Variants in ADD2 observed in about 807,000 individuals in gnomAD.
The protein encoded by ADD2 is adducin 2.
In ADD2, 23 loss-of-function variants were observed where a neutral mutation model predicts 83.0. The observed-to-expected ratio is 0.28, with a 90% confidence interval of 0.20 to 0.39. The LOEUF (loss-of-function observed/expected upper bound fraction) is 0.39, where lower values mean the gene tolerates loss of function less well. Ranked by LOEUF, ADD2 falls within the 10% of genes least tolerant of loss-of-function variation. ADD2 has a pLI of 1.00. For synonymous variants in ADD2, 375 were observed against 375.4 expected (o/e 1.00, Z 0.01); for missense variants, 758 against 944.9 (o/e 0.80, Z 2.59).
intron 6 of ADD2, among the ~76,000 whole-genome samples, chr2:70,692,776 G>A (rs1246694586): frequency 6.6e-6 from 1 of 152,176 alleles, no homozygotes; most frequent in Non-Finnish European, 1.5e-5. Flanking sequence ...GGAGAAATGC[G>A]AGAGCAGAGT....
intron 1 of ADD2, among the ~76,000 whole-genome samples, chr2:70,757,101 TACAGGGA>T (rs1411319348): frequency 1.3e-5 from 2 of 152,204 alleles, no homozygotes; most frequent in African/African-American, 4.8e-5. Context: ...GTGCTGGGAT[TACAGGGA>T]TAAGCCACCG....
chr2:70,665,177 A>C (rs1323277295), intron 15 of ADD2, among the ~76,000 whole-genome samples: 5 of 152,138 alleles, frequency 3.3e-5, no homozygotes, highest in African/African-American at 9.7e-5. Flanking sequence ...CTGGGGTCTT[A>C]ACAGGGGTGA....
At chr2:70,717,037 T>C (rs1553376466) in intron 1 of ADD2, among the ~76,000 whole-genome samples, 1 of 152,120 alleles carries the variant, frequency 6.6e-6, no homozygotes, top group African/African-American at 2.4e-5. Flanking sequence ...TCTGTCTCTC[T>C]CACCTCCTCC....
chr2:70,767,165 G>A (rs185471517), intron 1 of ADD2, among the ~76,000 whole-genome samples: 2 of 152,290 alleles, frequency 1.3e-5, no homozygotes, highest in Non-Finnish European at 2.9e-5. Context: ...TCCCGCCTCC[G>A]GGACCGGGGA....
intron 9 of ADD2, among the ~76,000 whole-genome samples, chr2:70,684,399 T>G (rs1558530391): frequency 6.6e-6 from 1 of 152,278 alleles, no homozygotes; most frequent in Middle Eastern, 3.4e-3. Context: ...AGATGTGCAC[T>G]ACCACATTCA....
intron 4 of ADD2, 40 bp downstream of exon 4, chr2:70,704,281 C>CCCCCCCCA: frequency 6.5e-7 from 1 of 1,546,778 alleles, no homozygotes; most frequent in South Asian, 1.2e-5. Flanking sequence ...CCACCCTCCC[C>CCCCCCCCA]TCCACCTCTG....
chr2:70,704,263 T>TGGGGCCCCCCCCCCCCCCCCCC, intron 4 of ADD2, 58 bp downstream of exon 4: 4 of 913,236 alleles, frequency 4.4e-6, no homozygotes, highest in Non-Finnish European at 3.4e-6. Context: ...CTCCCTCTCT[T>TGGGGCCCCCCCCCCCCCCCCCC]CCCCACCCCA....
At chr2:70,736,013 C>T (rs1288586105) in intron 1 of ADD2, among the ~76,000 whole-genome samples, 4 of 151,998 alleles carry the variant, frequency 2.6e-5, no homozygotes, top group African/African-American at 9.7e-5. Context: ...CATGTTCCCC[C>T]ACTTTCCATC....
chr2:70,664,384 G>T (rs1052923938), intron 15 of ADD2, among the ~76,000 whole-genome samples: 1 of 152,118 alleles, frequency 6.6e-6, no homozygotes, highest in Non-Finnish European at 1.5e-5. Flanking sequence ...TGTCGGGATC[G>T]CGGGAATGTT....
chr2:70,757,478 G>C (rs1674855463), intron 1 of ADD2, among the ~76,000 whole-genome samples: 1 of 152,176 alleles, frequency 6.6e-6, no homozygotes, highest in African/African-American at 2.4e-5. Context: ...TGGTGGGAAT[G>C]AGTGTGGAAT....
Position 70,704,418 on chromosome 2 carries a change from C to T in ADD2, c.225G>A (p.Met75Ile), listed in dbSNP as rs782511577. 4.3e-6 allele frequency: 7 copies of T among 1,614,194 alleles called. No homozygotes were observed. The highest frequency in any genetic ancestry group is 5.9e-6 in the Non-Finnish European group (7 of 1,180,038). The change falls in exon 4 of 16, where the codon ATG becomes ATA. Residue 75 changes from methionine (M) to isoleucine (I), a missense_variant. This residue lies in a region of ADD2 where 175 missense variants were observed against 192.1 expected (regional missense o/e 0.91). Transcript: ENST00000264436. ...TGTTGGAGGAGTTGTTCCCCTTCTT[C>T]ATCTGCTCCTGGATGAGGCCTTCCA... The part of the protein sequence containing the change: ...EELEGLIQEQ[M>I]KKGNNSSNIW...
chr2:70,733,724 C>T (rs550923958), intron 1 of ADD2, among the ~76,000 whole-genome samples: 8 of 152,128 alleles, frequency 5.3e-5, no homozygotes, highest in East Asian at 3.8e-4. Context: ...CAGAAGGGAA[C>T]GGAAGATTCT....
intron 4 of ADD2, among the ~76,000 whole-genome samples, chr2:70,699,744 C>T (rs1671493447): frequency 6.6e-6 from 1 of 152,096 alleles, no homozygotes; most frequent in Non-Finnish European, 1.5e-5. Context: ...TGCACCATTG[C>T]TCTCCAGCCT....
Position 70,689,930 on chromosome 2 carries a change from G to A in ADD2, c.849+856C>T, listed in dbSNP as rs555070326. Reference sequence around the variant, plus strand: ...CTCATATCCTAGACATGGGGTGGAAGAGTGAACAAACCGTGTGGGGCAATT... The same window carrying A: ...CTCATATCCTAGACATGGGGTGGAAAAGTGAACAAACCGTGTGGGGCAATT... On this transcript the variant is annotated intron_variant, in intron 8 of 15. Transcript: ENST00000264436. Among the ~76,000 whole-genome samples, 4 of 152,310 alleles carry A rather than the reference G, an allele frequency of 2.6e-5. No individual in the cohort carries two copies. The South Asian group carries it at 6.2e-4, about 24-fold the overall frequency.
rs781946199 is a variant in ADD2 at position 70,677,917 on chromosome 2, A to C, written c.1384-40T>G. 13 of 1,612,550 alleles carry C rather than the reference A, an allele frequency of 8.1e-6. No individual in the cohort carries two copies. The East Asian group carries it at 2.9e-4, about 36-fold the overall frequency. ...GGTCATGGGGCTGAGGTGAGGGAAC[A>C]GGCCCATGAGTCCTCCCCAGTGGTC... On this transcript the variant is annotated intron_variant, in intron 11 of 15. Transcript: ENST00000264436.
chr2:70,720,084 T>C (rs1450160520), intron 1 of ADD2, among the ~76,000 whole-genome samples: 3 of 152,112 alleles, frequency 2.0e-5, no homozygotes, highest in Non-Finnish European at 4.4e-5. Context: ...AGGTTGAAAT[T>C]GTTTTGTGGG....
chr2:70,684,726 T>C (rs1430841174), intron 9 of ADD2, among the ~76,000 whole-genome samples: 1 of 152,224 alleles, frequency 6.6e-6, no homozygotes, highest in Non-Finnish European at 1.5e-5. Flanking sequence ...GCTTGTAGTG[T>C]ACAGCCAAGC....
chr2:70,664,517 G>C (rs1277982070), intron 15 of ADD2, among the ~76,000 whole-genome samples: 2 of 152,184 alleles, frequency 1.3e-5, no homozygotes, highest in African/African-American at 4.8e-5. Context: ...GTGAGAGTCA[G>C]GGAGATTGTA....
intron 1 of ADD2, among the ~76,000 whole-genome samples, chr2:70,725,787 A>G (rs1672961866): frequency 6.6e-6 from 1 of 151,146 alleles, no homozygotes; most frequent in Non-Finnish European, 1.5e-5. Context: ...CACAATGTAC[A>G]TACAAACCAC....
Sources: allele counts gnomAD v4.1 joint callset (sites outside exome capture counted in the v4.1 genomes callset), GRCh38; gene constraint gnomAD v4.1.1; regional missense constraint gnomAD v4.1.1; transcripts MANE v1.5; gene names NCBI Gene and HGNC (gene_info 2026-07-23, HGNC 2026-07-21).